Variants in FARP2 observed in about 807,000 individuals in gnomAD.
FARP2 encodes FERM, ARH/RhoGEF and pleckstrin domain protein 2, also known as FERM, ARHGEF and pleckstrin domain-containing protein 2.
FARP2 carries 111 observed loss-of-function variants against 130.5 expected under a neutral mutation model. The ratio of observed to expected loss-of-function variants is 0.85; its 90% CI spans 0.73 to 1.00. The LOEUF (loss-of-function observed/expected upper bound fraction) is 1.00. Among genes scored for constraint, FARP2 ranks in the 50% least tolerant of loss-of-function variants. FARP2 has a pLI of 0.00. For missense variants in FARP2, 1,385 were observed against 1,346.3 expected (o/e 1.03, Z -0.45); for synonymous variants, 504 against 516.9 (o/e 0.98, Z 0.34).
At position 241,382,212 on chromosome 2, in the gene FARP2, C is replaced by T. The variant is rs1023182627; in HGVS notation, c.183+8922C>T. ...CTTTTCAAAAATTAAACATTATATTCTGAACTTTTTTTATATGGTCTTTTA... is the reference window on the plus strand; with the variant it reads ...CTTTTCAAAAATTAAACATTATATTTTGAACTTTTTTTATATGGTCTTTTA... On this transcript the variant is annotated intron_variant, in intron 2 of 26. Transcript: ENST00000264042. 2.7e-5 allele frequency among the ~76,000 whole-genome samples: 4 copies of T among 150,276 alleles called. No individual in the cohort carries two copies. The East Asian group carries it at 7.8e-4, about 29-fold the overall frequency.
At chr2:241,429,136 G>A (rs752535887) in intron 8 of FARP2, among the ~76,000 whole-genome samples, 2 of 152,178 alleles carry the variant, frequency 1.3e-5, no homozygotes, top group Non-Finnish European at 2.9e-5. Flanking sequence ...TGTCTCAGAC[G>A]TTTTTAAAAT....
At chr2:241,466,689 AC>A (rs1185189860) in intron 17 of FARP2, 108,812 of 489,572 alleles carry the variant, frequency 0.22, 11,443 homozygotes, top group Admixed American at 0.51. Context: ...CCTTCCAACC[AC>A]CCCCCCCCCC....
At chr2:241,406,361 C>T (rs1186108839) in intron 4 of FARP2, among the ~76,000 whole-genome samples, 2 of 149,546 alleles carry the variant, frequency 1.3e-5, no homozygotes, top group South Asian at 2.1e-4. Context: ...GTCTCTCTCT[C>T]TCTCTTTATA....
In FARP2 at chr2:241,468,229, C is replaced by T. The variant is rs2064224225; in HGVS notation, c.1983C>T (p.Tyr661=). The T allele has an allele frequency of 6.2e-7, 1 of 1,614,080 alleles. No individual in the cohort carries two copies. Among genetic ancestry groups the T allele is most frequent in the Non-Finnish European group, 8.5e-7 (1 of 1,179,962 alleles). The change falls in exon 18 of 27, where the codon TAC becomes TAT. Residue 661 remains tyrosine, a synonymous_variant. Coordinates refer to ENST00000264042, the MANE Select transcript of FARP2 (RefSeq NM_014808.4). ...TKRCKKLEAV[Y]KEFELQKVCY... Reference sequence around the variant, plus strand: ...GCTGTAAGAAGTTGGAGGCAGTGTACAAGGAGTTTGAGCTGCAGAAGGTCT... The same window carrying T: ...GCTGTAAGAAGTTGGAGGCAGTGTATAAGGAGTTTGAGCTGCAGAAGGTCT...
chr2:241,423,253 ACAGGG>A (rs1157940357), intron 8 of FARP2, among the ~76,000 whole-genome samples: 4 of 152,250 alleles, frequency 2.6e-5, no homozygotes, highest in African/African-American at 4.8e-5. Context: ...CTTCAGACTA[ACAGGG>A]GACCTCTCAG....
chr2:241,423,931 A>G (rs1420729256), intron 8 of FARP2, among the ~76,000 whole-genome samples: 1 of 152,226 alleles, frequency 6.6e-6, no homozygotes, highest in East Asian at 1.9e-4. Flanking sequence ...ATATGCACCC[A>G]ATACAGGAGC....
chr2:241,491,806 A>G, intron 24 of FARP2, 127 bp downstream of exon 24: 1 of 851,200 alleles, frequency 1.2e-6, no homozygotes, highest in Non-Finnish European at 1.7e-6. Context: ...ACTGCCTCTT[A>G]CTCTCCCCTT....
At chr2:241,402,911 T>TTG (rs2062231916) in intron 2 of FARP2, among the ~76,000 whole-genome samples, 4 of 93,910 alleles carry the variant, frequency 4.3e-5, no homozygotes, top group Non-Finnish European at 8.1e-5. Flanking sequence ...TTTTTTTTTT[T>TTG]GTAGAGACAG....
intron 2 of FARP2, chr2:241,395,466 T>A (rs2062008326): frequency 6.6e-6 from 1 of 152,242 alleles, no homozygotes; most frequent in African/African-American, 2.4e-5. Flanking sequence ...CAGGTCAGCC[T>A]CTTCCCAGAT....
chr2:241,367,958 A>G (rs1275119873), intron 1 of FARP2, among the ~76,000 whole-genome samples: 3 of 151,602 alleles, frequency 2.0e-5, no homozygotes, highest in Non-Finnish European at 4.4e-5. Context: ...GATTTTCCAT[A>G]TACCCTCCAC....
intron 7 of FARP2, among the ~76,000 whole-genome samples, chr2:241,415,210 C>T (rs2062634611): frequency 6.6e-6 from 1 of 152,140 alleles, no homozygotes; most frequent in African/African-American, 2.4e-5. Context: ...ACAGGTAGAG[C>T]TCCTGCTCTA....
intron 2 of FARP2, chr2:241,386,735 A>G (rs184904746): frequency 2.0e-5 from 3 of 152,254 alleles, no homozygotes; most frequent in Admixed American, 2.0e-4. Context: ...CACCAATTTC[A>G]CCCAGATTTG....
chr2:241,407,426 T>A, intron 4 of FARP2, 111 bp from the exon 5 acceptor site: 1 of 796,580 alleles, frequency 1.3e-6, no homozygotes, highest in Non-Finnish European at 2.1e-6. Context: ...TTGAAAAGAT[T>A]TGCTGTAACA....
intron 19 of FARP2, among the ~76,000 whole-genome samples, chr2:241,476,202 A>G (rs10184910): frequency 0.38 from 53,596 of 140,890 alleles, 10,296 homozygotes; most frequent in Admixed American, 0.53. Context: ...GGGAAACCCC[A>G]TTTCTATGAA....
intron 5 of FARP2, among the ~76,000 whole-genome samples, chr2:241,409,762 C>A (rs897216660): frequency 8.5e-5 from 13 of 152,244 alleles, no homozygotes; most frequent in Non-Finnish European, 1.6e-4. Context: ...ACTTATTAAG[C>A]ATGCTGTGGA....
intron 14 of FARP2, among the ~76,000 whole-genome samples, chr2:241,461,409 C>T (rs1384222605): frequency 1.3e-5 from 2 of 152,016 alleles, no homozygotes; most frequent in African/African-American, 2.4e-5. Flanking sequence ...CCCAAAGGGT[C>T]CAGAAGGCCC....
intron 26 of FARP2, 151 bp downstream of exon 26, chr2:241,493,595 T>TTG: frequency 1.6e-6 from 1 of 633,364 alleles, no homozygotes; most frequent in East Asian, 2.9e-5. Context: ...CAGCAATGCT[T>TTG]TGTTTTTTTT....
chr2:241,449,181 C>A (rs980274819), intron 13 of FARP2, among the ~76,000 whole-genome samples: 7 of 152,096 alleles, frequency 4.6e-5, no homozygotes, highest in African/African-American at 1.7e-4. Flanking sequence ...TTCATTTGGC[C>A]GGGCGCGGTG....
chr2:241,446,241 G>C lies in FARP2; in HGVS notation c.1411+4685G>C, dbSNP rs1002009442. 7.9e-5 allele frequency: 12 copies of C among 152,094 alleles called. No homozygotes were observed. The South Asian group carries it at 2.5e-3, about 31-fold the overall frequency. The allele number at this position is 152,094 out of a possible 1,614,324, so 9.4% of individuals were successfully genotyped here. A position where few individuals can be genotyped will look rare whatever the true frequency, so the allele number is the denominator to read the frequency against. Reference sequence around the variant, plus strand: ...ATGTGCCTTTTTTATATTACCAAGAGATTCTCTAAATATGGAATTAGATTA... The same window carrying C: ...ATGTGCCTTTTTTATATTACCAAGACATTCTCTAAATATGGAATTAGATTA... On this transcript the variant is annotated intron_variant, in intron 13 of 26. Coordinates refer to ENST00000264042, the MANE Select transcript of FARP2 (RefSeq NM_014808.4).
Sources: allele counts gnomAD v4.1 joint callset (sites outside exome capture counted in the v4.1 genomes callset), GRCh38; gene constraint gnomAD v4.1.1; transcripts MANE v1.5; gene names NCBI Gene and HGNC (gene_info 2026-07-23, HGNC 2026-07-21).